The following ROBO2 variants were observed in gnomAD, a reference collection of about 807,000 sequenced individuals.
The protein encoded by ROBO2 is roundabout homolog 2.
A neutral mutation model predicts 160.8 loss-of-function variants in ROBO2; 53 were observed. The observed-to-expected ratio is 0.33, with a 90% CI of 0.26 to 0.41. ROBO2 has a LOEUF of 0.41. Ranked by LOEUF, ROBO2 falls within the 10% of genes least tolerant of loss-of-function variation. The pLI is 1.00. For synonymous variants in ROBO2, 664 were observed against 611.7 expected (o/e 1.09, Z -1.26); for missense variants, 1,577 against 1,722.4 (o/e 0.92, Z 1.49).
At chr3:77,048,249 A>G (rs1053124005) in intron 1 of ROBO2, among the ~76,000 whole-genome samples, 3 of 152,074 alleles carry the variant, frequency 2.0e-5, no homozygotes, top group Admixed American at 6.5e-5. Context: ...TTTTAATAAG[A>G]TTTTTCAGCT....
intron 2 of ROBO2, among the ~76,000 whole-genome samples, chr3:77,469,147 G>A (rs1287827149): frequency 6.6e-6 from 1 of 152,180 alleles, no homozygotes; most frequent in Non-Finnish European, 1.5e-5. Flanking sequence ...ATTATGCGAT[G>A]TCAGTGGGGA....
At chr3:76,141,076 T>TATATATATATATATATATAA (rs1157246932) in intron 2 of ROBO2, among the ~76,000 whole-genome samples, 2 of 114,140 alleles carry the variant, frequency 1.8e-5, no homozygotes, top group Admixed American at 9.4e-5. Context: ...TATATATATA[T>TATATATATATATATATATAA]AAAATATATG....
At chr3:76,164,303 A>C (rs1249603051) in intron 2 of ROBO2, among the ~76,000 whole-genome samples, 2 of 152,056 alleles carry the variant, frequency 1.3e-5, no homozygotes, top group East Asian at 3.9e-4. Flanking sequence ...ACTTCTTCCA[A>C]ACTCCTGTCC....
At chr3:76,765,673 A>G (rs866157838) in intron 2 of ROBO2, among the ~76,000 whole-genome samples, 4 of 151,764 alleles carry the variant, frequency 2.6e-5, no homozygotes, top group African/African-American at 9.6e-5. Context: ...GCTCCCAACC[A>G]AGAGCCAGTA....
chr3:76,968,884 A>G (rs1001270581), intron 2 of ROBO2, among the ~76,000 whole-genome samples: 3 of 152,118 alleles, frequency 2.0e-5, no homozygotes, highest in African/African-American at 7.2e-5. Context: ...ATTTTTCAAG[A>G]GTTGGTATTT....
chr3:76,333,886 G>A (rs6797016), intron 2 of ROBO2, among the ~76,000 whole-genome samples: 5 of 151,926 alleles, frequency 3.3e-5, no homozygotes, highest in African/African-American at 4.8e-5. Flanking sequence ...GCAAACTATC[G>A]CAAGGACAAA....
intron 2 of ROBO2, among the ~76,000 whole-genome samples, chr3:76,673,051 G>T (rs2092311123): frequency 6.6e-6 from 1 of 152,058 alleles, no homozygotes; most frequent in African/African-American, 2.4e-5. Context: ...GTAATGGTGG[G>T]GAAATAGCAG....
intron 2 of ROBO2, among the ~76,000 whole-genome samples, chr3:76,231,450 G>A (rs550019225): frequency 1.3e-5 from 2 of 152,084 alleles, no homozygotes; most frequent in East Asian, 1.9e-4. Context: ...TAGGTATACC[G>A]TTTTTTGTTC....
chr3:75,955,659 A>G (rs763015840), intron 2 of ROBO2, among the ~76,000 whole-genome samples: 7 of 151,758 alleles, frequency 4.6e-5, no homozygotes, highest in African/African-American at 7.3e-5. Flanking sequence ...AATGTTTGCA[A>G]AGATACTCTG....
intron 2 of ROBO2, among the ~76,000 whole-genome samples, chr3:76,415,786 C>T (rs1232990007): frequency 6.6e-6 from 1 of 152,066 alleles, no homozygotes; most frequent in East Asian, 1.9e-4. Context: ...GTTTGACCCA[C>T]TTATAAAAAA....
At chr3:76,121,535 C>A (rs2070753244) in intron 2 of ROBO2, among the ~76,000 whole-genome samples, 1 of 152,094 alleles carries the variant, frequency 6.6e-6, no homozygotes, top group South Asian at 2.1e-4. Context: ...TGTAACAGTT[C>A]TGGATCAAAC....
At chr3:77,459,070 A>G (rs760370838) in intron 2 of ROBO2, among the ~76,000 whole-genome samples, 1 of 152,176 alleles carries the variant, frequency 6.6e-6, no homozygotes, top group Non-Finnish European at 1.5e-5. Context: ...CAACTGCAAT[A>G]TTTTAAAATA....
chr3:77,358,342 C>G (rs2069428205), intron 2 of ROBO2, among the ~76,000 whole-genome samples: 1 of 152,106 alleles, frequency 6.6e-6, no homozygotes, highest in South Asian at 2.1e-4. Context: ...TTTCCATTGA[C>G]TTTTTATAAC....
chr3:77,596,204 C>A (rs899817386), intron 18 of ROBO2, among the ~76,000 whole-genome samples: 2 of 152,134 alleles, frequency 1.3e-5, no homozygotes, highest in Admixed American at 6.5e-5. Flanking sequence ...ACAAGGGTTA[C>A]AGCCTAGAGG....
At chr3:76,111,527 GC>G (rs1489280926) in intron 2 of ROBO2, among the ~76,000 whole-genome samples, 1 of 152,048 alleles carries the variant, frequency 6.6e-6, no homozygotes, top group African/African-American at 2.4e-5. Context: ...TTGTTTTCAG[GC>G]CAGCCAGTGC....
intron 2 of ROBO2, among the ~76,000 whole-genome samples, chr3:76,509,505 A>G (rs985955194): frequency 6.6e-6 from 1 of 152,136 alleles, no homozygotes; most frequent in African/African-American, 2.4e-5. Context: ...AATTTTTACT[A>G]AGAAAGGAAG....
At chr3:76,789,819 T>G (rs967634928) in intron 2 of ROBO2, among the ~76,000 whole-genome samples, 1 of 151,602 alleles carries the variant, frequency 6.6e-6, no homozygotes, top group African/African-American at 2.4e-5. Flanking sequence ...AGTCAAGGGC[T>G]CACACACAAA....
At chr3:76,938,597 T>C (rs7617968) in intron 2 of ROBO2, among the ~76,000 whole-genome samples, 69,320 of 151,748 alleles carry the variant, frequency 0.46, 16,235 homozygotes, top group African/African-American at 0.56. Context: ...GTACCACAGG[T>C]GGCTAGCCAG....
At chr3:76,649,179 G>A (rs1267440364) in intron 2 of ROBO2, among the ~76,000 whole-genome samples, 1 of 151,886 alleles carries the variant, frequency 6.6e-6, no homozygotes, top group Non-Finnish European at 1.5e-5. Context: ...AATATTTTGG[G>A]GGTCTTTGTG....
Sources: allele counts gnomAD v4.1 joint callset (sites outside exome capture counted in the v4.1 genomes callset), GRCh38; gene constraint gnomAD v4.1.1; transcripts MANE v1.5; gene names NCBI Gene and HGNC (gene_info 2026-07-23, HGNC 2026-07-21).